KIF26A: variants seen among roughly 807,000 people sequenced by gnomAD.
The protein encoded by KIF26A is kinesin family member 26A.
A neutral mutation model predicts 126.0 loss-of-function variants in KIF26A; 74 were observed. The observed-to-expected ratio is 0.59, with a 90% CI of 0.49 to 0.71. The LOEUF (loss-of-function observed/expected upper bound fraction) is 0.71, where lower values mean the gene tolerates loss of function less well. Among genes scored for constraint, KIF26A ranks in the 30% least tolerant of loss-of-function variants. The pLI, the probability that KIF26A is intolerant of heterozygous loss-of-function variation, is 0.00. For synonymous variants in KIF26A, 1,445 were observed against 1,232.7 expected (o/e 1.17, Z -3.61); for missense variants, 2,984 against 2,763.3 (o/e 1.08, Z -1.79).
chr14:104,173,602 G>A, intron 9 of KIF26A, 89 bp downstream of exon 9: 4 of 1,515,766 alleles, frequency 2.6e-6, no homozygotes, highest in Middle Eastern at 4.2e-4. Flanking sequence ...GTGGCTCCTG[G>A]GGATGTCCCT....
In KIF26A at chr14:104,173,264, TGGG is replaced by T; in HGVS notation, c.1683+28_1683+30del. On this transcript the variant is annotated intron_variant, in intron 8 of 14. Transcript: ENST00000423312. ...GGTGCGCCTGCCTACTGTCCCACCT[TGGG>T]GGAGGGGGGCTGCACTTGGCCCTGA... 1.9e-6 allele frequency: 3 copies of T among 1,602,476 alleles called. No homozygotes were observed. In the South Asian group the frequency reaches 3.3e-5, roughly 18 times the overall value.
In KIF26A at chr14:104,176,827, G is replaced by A; in HGVS notation, c.4039G>A (p.Ala1347Thr). The A allele has an allele frequency of 6.4e-7, 1 of 1,551,578 alleles. No homozygotes were observed. Residue 1347 changes from alanine (A) to threonine (T), a missense_variant, in exon 12 of 15, where the codon GCT becomes ACT. Coordinates refer to ENST00000423312, the MANE Select transcript of KIF26A (RefSeq NM_015656.2). ...KASPTSKKGL[A>T]PKAGFLPRPS... is the part of the protein sequence containing the mutation. ...CTCCCCCACCAGCAAGAAGGGTCTG[G>A]CTCCCAAGGCGGGCTTCCTCCCGAG...
intron 4 of KIF26A, among the ~76,000 whole-genome samples, chr14:104,159,417 C>T (rs1050175583): frequency 2.0e-5 from 3 of 152,338 alleles, no homozygotes; most frequent in South Asian, 4.1e-4. Flanking sequence ...GCTCAGAGCT[C>T]CCCCGGTCCC....
rs552498450 is a variant in KIF26A at position 104,173,027 on chromosome 14, A to G, written c.1471A>G (p.Ile491Val). ...GGACAGCTCACCCCAGAGCCTGGGC[A>G]TCGTGCCCTGCGCCATCTCCTGGCT... The part of the protein sequence containing the change: ...GKDSSPQSLG[I>V]VPCAISWLFR... Residue 491 changes from isoleucine (I) to valine (V), a missense_variant, in exon 8 of 15, where the codon ATC becomes GTC. By Grantham distance (29) the Ile-to-Val change is conservative (BLOSUM62 3). Coordinates refer to ENST00000423312, the MANE Select transcript of KIF26A (RefSeq NM_015656.2). 1.0e-4 allele frequency: 160 copies of G among 1,606,572 alleles called. No homozygotes were observed. The South Asian group carries it at 1.5e-3, about 15-fold the overall frequency.
Position 104,152,429 on chromosome 14 carries a change from C to T in KIF26A, c.703C>T (p.Arg235Trp), listed in dbSNP as rs1229910204. Reference sequence around the variant, plus strand: ...CCTGGAGGGCATGTGGAGTGTCTCGCGGGTCAACAGCTTCCTCCCGCCGGC... The same window carrying T: ...CCTGGAGGGCATGTGGAGTGTCTCGTGGGTCAACAGCTTCCTCCCGCCGGC... Reference protein sequence around the residue: ...QCLEGMWSVSRVNSFLPPACL... With the variant: ...QCLEGMWSVSWVNSFLPPACL... Residue 235 changes from arginine (R) to tryptophan (W), a missense_variant, in exon 3 of 15, where the codon CGG (arginine) becomes TGG (tryptophan). By Grantham distance (101) the Arg-to-Trp change is moderately radical (BLOSUM62 -3). Transcript: ENST00000423312. This position sits in a 1 kb window ranked among gnomAD's most constrained non-coding sequence, Gnocchi z 5.9. The T allele has an allele frequency of 5.7e-6, 9 of 1,592,240 alleles. No homozygotes were observed. Among genetic ancestry groups the T allele is most frequent in the South Asian group, 2.3e-5 (2 of 87,516 alleles).
Position 104,138,836 on chromosome 14 carries a change from C to A in KIF26A, c.42+72C>A, listed in dbSNP as rs1003381909. On this transcript the variant is annotated intron_variant, in intron 1 of 14. Coordinates refer to ENST00000423312, the MANE Select transcript of KIF26A (RefSeq NM_015656.2). The stretch of plus-strand genomic sequence containing the variant: ...GGACGGCGAAGATACTCGCGGTGTG[C>A]GCTGGATCCCTGGGGGCCGGGCCTC... The A allele has an allele frequency of 2.5e-5, 32 of 1,259,354 alleles. No homozygotes were observed. In the African/African-American group the frequency reaches 4.8e-4, roughly 19 times the overall value. 78.0% of individuals were successfully genotyped at this position (1,259,354 alleles called of 1,614,324 possible). A position where few individuals can be genotyped will look rare whatever the true frequency, so the allele number is the denominator to read the frequency against.
At position 104,173,553 on chromosome 14, in the gene KIF26A, C is replaced by T. The variant is rs778886481; in HGVS notation, c.1867+40C>T. 3.4e-5 allele frequency: 51 copies of T among 1,511,310 alleles called. 1 individual carries two copies. Among genetic ancestry groups the T allele is most frequent in the African/African-American group, 1.7e-4 (12 of 72,426 alleles). 93.6% of individuals were successfully genotyped at this position (1,511,310 alleles called of 1,614,324 possible). A position where few individuals can be genotyped will look rare whatever the true frequency, so the allele number is the denominator to read the frequency against. The stretch of plus-strand genomic sequence containing the variant: ...CGCACTCCCGGGCCCCTGTGGGATG[C>T]GTGTCAGCAGAGACCCAGGCACAGG... On this transcript the variant is annotated intron_variant, in intron 9 of 14. Coordinates refer to ENST00000423312, the MANE Select transcript of KIF26A (RefSeq NM_015656.2).
At chr14:104,168,447 G>A (rs77796928) in intron 5 of KIF26A, among the ~76,000 whole-genome samples, 6,546 of 152,308 alleles carry the variant, frequency 0.043, 181 homozygotes, top group Non-Finnish European at 0.063. Context: ...AGGGAGGGCC[G>A]CCGTGGGGCA....
At position 104,174,247 on chromosome 14, in the gene KIF26A, A is replaced by G. The variant is rs1276001708; in HGVS notation, c.2130A>G (p.Ala710=). The change falls in exon 11 of 15, where the codon GCA becomes GCG. Residue 710 remains alanine, a synonymous_variant. Transcript: ENST00000423312. ...TGTCGGATGCGCCAGCCCAGCACGC[A>G]GAGACACTCAGCACCGTGCAGCTCG... ...AHVSDAPAQH[A]ETLSTVQLAA... is the part of the protein sequence containing the mutation. The G allele has an allele frequency of 3.2e-6, 5 of 1,577,492 alleles. No homozygotes were observed. Among genetic ancestry groups the G allele is most frequent in the South Asian group, 2.3e-5 (2 of 85,872 alleles).
intron 10 of KIF26A, 75 bp downstream of exon 10, chr14:104,173,943 C>T (rs777616456): frequency 9.2e-5 from 137 of 1,490,786 alleles, no homozygotes; most frequent in East Asian, 4.1e-4. Context: ...CTGGTGTGCC[C>T]GGTGCTGCTG....
chr14:104,172,334 T>TG (rs2037968155), intron 6 of KIF26A, among the ~76,000 whole-genome samples: 2 of 152,262 alleles, frequency 1.3e-5, no homozygotes, highest in South Asian at 4.1e-4. Context: ...GCTGGACTTC[T>TG]GGGCTTTGCG....
intron 2 of KIF26A, among the ~76,000 whole-genome samples, chr14:104,146,806 T>A (rs2037684521): frequency 6.6e-6 from 1 of 152,132 alleles, no homozygotes; most frequent in Non-Finnish European, 1.5e-5. Flanking sequence ...GAGATGGGCC[T>A]GGCTGGAGCT....
chr14:104,141,738 C>T (rs2037639654), intron 2 of KIF26A, among the ~76,000 whole-genome samples: 3 of 152,166 alleles, frequency 2.0e-5, no homozygotes, highest in Non-Finnish European at 4.4e-5. Context: ...GCCAGGGTCT[C>T]CTTGAATGTG....
At chr14:104,166,791 T>C in intron 4 of KIF26A, 68 bp from the exon 5 acceptor site, 1 of 1,396,710 alleles carries the variant, frequency 7.2e-7, no homozygotes, top group African/African-American at 1.5e-5. Flanking sequence ...GCCTGGTGAC[T>C]CGCAGGCGGG....
intron 3 of KIF26A, among the ~76,000 whole-genome samples, chr14:104,157,464 A>G (rs2037790549): frequency 6.6e-6 from 1 of 152,088 alleles, no homozygotes; most frequent in Non-Finnish European, 1.5e-5. Context: ...CTTCTGGACC[A>G]CCATCTGCCT....
At position 104,176,175 on chromosome 14, in the gene KIF26A, GCAGCCCCGCTT is replaced by G. The variant is rs1566865785; in HGVS notation, c.3396_3406del (p.Phe1133LeufsTer6). On this transcript the variant is annotated frameshift_variant, in exon 12 of 15. Coordinates refer to ENST00000423312, the MANE Select transcript of KIF26A (RefSeq NM_015656.2). LOFTEE classifies it high-confidence loss of function. ...CTGCCGACAGCCGTGACCCCACGCC[GCAGCCCCGCTT>G]CAGCCCCGACTCGCTGGCAGGGCTT... 1.3e-6 allele frequency: 2 copies of G among 1,593,500 alleles called. No homozygotes were observed. The highest frequency in any genetic ancestry group is 2.7e-5 in the African/African-American group (2 of 74,522).
At position 104,178,620 on chromosome 14, in the gene KIF26A, C is replaced by T. The variant is rs758328797; in HGVS notation, c.5181C>T (p.Leu1727=). Residue 1727 remains leucine, a synonymous_variant, in exon 13 of 15, where the codon CTC becomes CTT. Coordinates refer to ENST00000423312, the MANE Select transcript of KIF26A (RefSeq NM_015656.2). The part of the protein sequence containing the change: ...DTTALGRKPS[L]PGQWVDLPPP... ...CTGCCCTGGGCCGTAAGCCCAGCCT[C>T]CCCGGGCAGTGGGTGGACCTGCCCC... The T allele has an allele frequency of 1.9e-6, 3 of 1,548,520 alleles. No individual in the cohort carries two copies. The highest frequency in any genetic ancestry group is 1.2e-5 in the South Asian group (1 of 83,896).
Position 104,179,990 on chromosome 14 carries a change from G to A in KIF26A, c.*200G>A, listed in dbSNP as rs561408417. 76 of 506,580 alleles carry A rather than the reference G, an allele frequency of 1.5e-4. 1 individual carries two copies. Among genetic ancestry groups the A allele is most frequent in the African/African-American group, 9.9e-4 (50 of 50,670 alleles). The allele number at this position is 506,580 out of a possible 1,614,324, so 31.4% of individuals were successfully genotyped here. On this transcript the variant is annotated 3_prime_UTR_variant, in exon 15 of 15. Coordinates refer to ENST00000423312, the MANE Select transcript of KIF26A (RefSeq NM_015656.2). The stretch of plus-strand genomic sequence containing the variant: ...CAGAGCGAGGGTGCCAGGGTGACCA[G>A]AAGACCGTCACCACCCGACAGCAAC...
chr14:104,171,132 C>A (rs901402770), intron 5 of KIF26A, among the ~76,000 whole-genome samples: 1 of 152,258 alleles, frequency 6.6e-6, no homozygotes, highest in Non-Finnish European at 1.5e-5. Flanking sequence ...CGTTTGCATT[C>A]GAATGGGCTT....
Sources: gnomAD v4.1 joint callset for allele counts (sites outside exome capture counted in the v4.1 genomes callset) on GRCh38, gnomAD v4.1.1 for gene constraint, Gnocchi (gnomAD v3.1) non-coding constraint, MANE v1.5 for transcripts, NCBI Gene and HGNC (gene_info 2026-07-23, HGNC 2026-07-21) for gene names.